The following CDK8 variants were observed in gnomAD, a reference collection of about 807,000 sequenced individuals.
CDK8 encodes the protein cyclin-dependent kinase 8.
CDK8 carries 29 observed loss-of-function variants against 71.5 expected under a neutral mutation model. That is an observed-to-expected ratio of 0.41 (90% CI 0.30 to 0.55). The LOEUF is 0.55. Ranked by LOEUF, CDK8 falls within the 20% of genes least tolerant of loss-of-function variation. The pLI, the probability that CDK8 is intolerant of heterozygous loss-of-function variation, is 0.37. For missense variants in CDK8, 288 were observed against 572.6 expected, an observed-to-expected ratio of 0.50 and a Z score of 5.07; for synonymous variants, 161 against 192.1, an observed-to-expected ratio of 0.84 and a Z score of 1.34.
chr13:26,280,038 T>G (rs1872683240), intron 1 of CDK8, among the ~76,000 whole-genome samples: 1 of 151,854 alleles, frequency 6.6e-6, no homozygotes, highest in African/African-American at 2.4e-5. Context: ...ATGAAGGATA[T>G]ATAGATGTTT....
chr13:26,329,177 A>C (rs529411251), intron 1 of CDK8, among the ~76,000 whole-genome samples: 2 of 152,166 alleles, frequency 1.3e-5, no homozygotes, highest in Non-Finnish European at 2.9e-5. Flanking sequence ...GAGTTTTAGG[A>C]AGCAGTGTAG....
rs376012385 is a variant in CDK8, at chr13:26,344,973, T to A, written c.205-4099T>A. On this transcript the variant is annotated intron_variant, in intron 2 of 12. Transcript: ENST00000381527. The stretch of plus-strand genomic sequence containing the variant: ...TTTATTATCATCAAATATTGTGTGC[T>A]GTATATAATGATATTTGCTAGACTT... Among the ~76,000 whole-genome samples, 21 of 152,308 alleles carry A rather than the reference T, an allele frequency of 1.4e-4. No homozygotes were observed. In the East Asian group the frequency reaches 4.1e-3, roughly 29 times the overall value.
At chr13:26,399,513 G>A (rs1284446423) in intron 9 of CDK8, among the ~76,000 whole-genome samples, 5 of 152,176 alleles carry the variant, frequency 3.3e-5, no homozygotes, top group African/African-American at 1.2e-4. Flanking sequence ...CCTAAAGTCC[G>A]AAAGCCACTG....
At chr13:26,372,083 A>C (rs1874718960) in intron 4 of CDK8, among the ~76,000 whole-genome samples, 1 of 152,222 alleles carries the variant, frequency 6.6e-6, no homozygotes, top group African/African-American at 2.4e-5. Flanking sequence ...TGTGTCTAGG[A>C]AAGTTCAGTG....
chr13:26,400,034 C>T lies in CDK8; in HGVS notation c.934-419C>T, dbSNP rs1049786702. 4.1e-5 allele frequency: 8 copies of T among 197,150 alleles called. No individual in the cohort carries two copies. In the Admixed American group the frequency reaches 4.5e-4, roughly 11 times the overall value. The allele number at this position is 197,150 out of a possible 1,614,324, so 12.2% of individuals were successfully genotyped here. Reference sequence around the variant, plus strand: ...GTGCCTGGTGTAATGGGGAGATTGACTTTTTTATTTAATTCAGTTTTGATT... The same window carrying T: ...GTGCCTGGTGTAATGGGGAGATTGATTTTTTTATTTAATTCAGTTTTGATT... On this transcript the variant is annotated intron_variant, in intron 9 of 12. Coordinates refer to ENST00000381527, the MANE Select transcript of CDK8 (RefSeq NM_001260.3).
intron 9 of CDK8, among the ~76,000 whole-genome samples, chr13:26,399,908 C>A (rs1876175324): frequency 6.6e-6 from 1 of 152,176 alleles, no homozygotes; most frequent in South Asian, 2.1e-4. Flanking sequence ...TTGTGTATCA[C>A]CATTTTTATT....
At chr13:26,266,170 G>A (rs1872009740) in intron 1 of CDK8, among the ~76,000 whole-genome samples, 1 of 152,172 alleles carries the variant, frequency 6.6e-6, no homozygotes. Context: ...TGATGATTGA[G>A]CTTTGATATG....
intron 5 of CDK8, 27 bp downstream of exon 5, chr13:26,382,898 G>A: frequency 1.3e-6 from 2 of 1,508,696 alleles, no homozygotes; most frequent in Non-Finnish European, 1.8e-6. Flanking sequence ...CTAAGTCACA[G>A]TGTAGCACTT....
At chr13:26,267,795 A>T (rs889797707) in intron 1 of CDK8, among the ~76,000 whole-genome samples, 2 of 152,220 alleles carry the variant, frequency 1.3e-5, no homozygotes, top group African/African-American at 4.8e-5. Context: ...ATGCTGTCAG[A>T]TGGAGGTAGA....
chr13:26,310,133 TC>T (rs1353595989), intron 1 of CDK8, among the ~76,000 whole-genome samples: 4 of 152,326 alleles, frequency 2.6e-5, no homozygotes, highest in Admixed American at 2.6e-4. Context: ...ACCATCTATC[TC>T]CAGCTTTCTT....
chr13:26,281,838 T>C (rs149566150), intron 1 of CDK8, among the ~76,000 whole-genome samples: 131 of 152,016 alleles, frequency 8.6e-4, no homozygotes, highest in African/African-American at 3.0e-3. Context: ...TAAATAAATA[T>C]TGTATTCCAG....
chr13:26,358,845 C>G (rs989209346), intron 4 of CDK8, among the ~76,000 whole-genome samples: 2 of 152,092 alleles, frequency 1.3e-5, no homozygotes, highest in Non-Finnish European at 2.9e-5. Flanking sequence ...GCCTGGGCAA[C>G]ATAGTGAAAC....
chr13:26,280,470 T>C (rs866664046), intron 1 of CDK8, among the ~76,000 whole-genome samples: 2 of 152,204 alleles, frequency 1.3e-5, no homozygotes, highest in African/African-American at 4.8e-5. Context: ...TGACTCAACA[T>C]TGGAACTTGG....
In CDK8 at chr13:26,320,574, A is replaced by C. The variant is rs551918186; in HGVS notation, c.129-16993A>C. ...TTTTCTTGGATCAAAAGACACTATCAACACAGTAAAAAGGCAACTAACAGA... is the reference window on the plus strand; with the variant it reads ...TTTTCTTGGATCAAAAGACACTATCCACACAGTAAAAAGGCAACTAACAGA... On this transcript the variant is annotated intron_variant, in intron 1 of 12. Transcript: ENST00000381527. Among the ~76,000 whole-genome samples, 3 of 152,320 alleles carry C rather than the reference A, an allele frequency of 2.0e-5. No homozygotes were observed. In the East Asian group the frequency reaches 5.8e-4, roughly 29 times the overall value.
At chr13:26,278,842 G>A (rs141866997) in intron 1 of CDK8, among the ~76,000 whole-genome samples, 314 of 152,236 alleles carry the variant, frequency 2.1e-3, no homozygotes, top group African/African-American at 6.8e-3. Context: ...AGTTGTGTCC[G>A]TACTGAACAG....
chr13:26,281,886 T>C (rs1352927890), intron 1 of CDK8, among the ~76,000 whole-genome samples: 1 of 151,842 alleles, frequency 6.6e-6, no homozygotes, highest in Non-Finnish European at 1.5e-5. Context: ...AATCACAACT[T>C]CTGGAAATGA....
chr13:26,255,700 C>T (rs1871494475), intron 1 of CDK8, among the ~76,000 whole-genome samples: 1 of 151,992 alleles, frequency 6.6e-6, no homozygotes, highest in Admixed American at 6.5e-5. Flanking sequence ...GTCTCTGTTG[C>T]CTTTGACAGA....
intron 4 of CDK8, among the ~76,000 whole-genome samples, chr13:26,360,019 C>T (rs1874065177): frequency 6.6e-6 from 1 of 152,076 alleles, no homozygotes. Context: ...CCTGGCCTGG[C>T]CTCTTTCAGT....
intron 4 of CDK8, among the ~76,000 whole-genome samples, chr13:26,365,909 T>C (rs1471782500): frequency 6.6e-6 from 1 of 151,966 alleles, no homozygotes; most frequent in Non-Finnish European, 1.5e-5. Flanking sequence ...AAAACAAATA[T>C]ATCACAATAC....
Sources: allele counts gnomAD v4.1 joint callset (sites outside exome capture counted in the v4.1 genomes callset), GRCh38; gene constraint gnomAD v4.1.1; transcripts MANE v1.5; gene names NCBI Gene and HGNC (gene_info 2026-07-23, HGNC 2026-07-21).